PTPRN2: variants seen among roughly 807,000 people sequenced by gnomAD.
PTPRN2 encodes the protein protein tyrosine phosphatase receptor type N2.
Under a neutral mutation model 118.8 loss-of-function variants are expected in PTPRN2, and 74 were observed. The observed-to-expected ratio is 0.62, with a 90% CI of 0.52 to 0.76. The LOEUF is 0.76. PTPRN2 is among the 30% of genes least tolerant of loss of function. The pLI is 0.00. For synonymous variants in PTPRN2, 641 were observed against 608.0 expected (o/e 1.05, Z -0.80); for missense variants, 1,481 against 1,394.4 (o/e 1.06, Z -0.99).
chr7:157,608,532 C>T (rs1185060600), intron 15 of PTPRN2, among the ~76,000 whole-genome samples: 1 of 152,086 alleles, frequency 6.6e-6, no homozygotes, highest in Non-Finnish European at 1.5e-5. Flanking sequence ...ATGTGCCTGG[C>T]GAATCTCTAT....
chr7:157,843,700 G>A (rs1387316493), intron 12 of PTPRN2, among the ~76,000 whole-genome samples: 2 of 152,236 alleles, frequency 1.3e-5, no homozygotes, highest in Non-Finnish European at 2.9e-5. Context: ...CAACTCTCTT[G>A]CTTTCTTTCC....
At chr7:158,317,077 C>T in intron 2 of PTPRN2, 145 bp from the exon 3 acceptor site, 1 of 568,276 alleles carries the variant, frequency 1.8e-6, no homozygotes, top group Non-Finnish European at 3.0e-6. Context: ...CTGTTAGGAC[C>T]CGGGAGCACC....
intron 15 of PTPRN2, among the ~76,000 whole-genome samples, chr7:157,613,134 C>T (rs1024215306): frequency 3.2e-4 from 48 of 152,290 alleles, no homozygotes; most frequent in African/African-American, 1.0e-3. Flanking sequence ...TCTCCAGTCC[C>T]GCCTCCCGCC....
At chr7:157,723,373 G>A (rs759114140) in intron 12 of PTPRN2, among the ~76,000 whole-genome samples, 3 of 152,092 alleles carry the variant, frequency 2.0e-5, no homozygotes, top group East Asian at 1.9e-4. Flanking sequence ...GCCTTTCCCC[G>A]GCTGGCCACC....
intron 3 of PTPRN2, among the ~76,000 whole-genome samples, chr7:158,275,511 C>CG (rs1189712007): frequency 1.3e-5 from 2 of 152,148 alleles, no homozygotes; most frequent in Admixed American, 1.3e-4. Context: ...TGAATAAAGG[C>CG]GTCGCCCAGA....
intron 3 of PTPRN2, among the ~76,000 whole-genome samples, chr7:158,262,374 C>T (rs1797481493): frequency 6.7e-6 from 1 of 149,300 alleles, no homozygotes; most frequent in South Asian, 2.1e-4. Context: ...TCACTGCACA[C>T]ACATACACAC....
chr7:158,167,083 C>A lies in PTPRN2; in HGVS notation c.758G>T (p.Arg253Met). ...GCCCTCCCCGGGGGGAGCTGGGGGCCTCTGGGCAGCATAGGCACTGAGGGC... is the reference window on the plus strand; with the variant it reads ...GCCCTCCCCGGGGGGAGCTGGGGGCATCTGGGCAGCATAGGCACTGAGGGC... ...MAALSAYAAQ[R>M]PPAPPGEGSL... The change falls in exon 6 of 23, where the codon AGG becomes ATG. Residue 253 changes from arginine to methionine, a missense_variant. Arg to Met is a moderately conservative substitution (Grantham distance 91). Coordinates refer to ENST00000389418, the MANE Select transcript of PTPRN2 (RefSeq NM_002847.5). 6.2e-7 allele frequency: 1 copy of A among 1,606,730 alleles called. No individual in the cohort carries two copies. The highest frequency in any genetic ancestry group is 8.5e-7 in the Non-Finnish European group (1 of 1,176,112).
intron 2 of PTPRN2, among the ~76,000 whole-genome samples, chr7:158,387,577 A>AAGCACTCTCTGGGTCCTGGG (rs1586542379): frequency 6.6e-6 from 1 of 151,184 alleles, no homozygotes; most frequent in Non-Finnish European, 1.5e-5. Flanking sequence ...CTGTCAGCTC[A>AAGCACTCTCTGGGTCCTGGG]GCTTGGCCCG....
At position 158,238,302 on chromosome 7, in the gene PTPRN2, G is replaced by A. The variant is rs541078912; in HGVS notation, c.278-33029C>T. ...GATGGCCATCGCAGATCAGGAAACC[G>A]TCCTCCCCTCCCTCCTGCCCTGGGC... On this transcript the variant is annotated intron_variant, in intron 3 of 22. Coordinates refer to ENST00000389418, the MANE Select transcript of PTPRN2 (RefSeq NM_002847.5). Among the ~76,000 whole-genome samples the A allele has an allele frequency of 1.6e-4, 25 of 152,120 alleles. 1 individual carries two copies. The South Asian group carries it at 4.8e-3, about 29-fold the overall frequency.
intron 3 of PTPRN2, among the ~76,000 whole-genome samples, chr7:158,269,919 CAG>C (rs1445125636): frequency 9.1e-6 from 1 of 110,166 alleles, no homozygotes; most frequent in African/African-American, 4.2e-5. Context: ...GACAGAGAAA[CAG>C]AGAGACAGAG....
intron 7 of PTPRN2, 103 bp from the exon 8 acceptor site, chr7:158,136,798 T>C: frequency 9.6e-7 from 1 of 1,043,462 alleles, no homozygotes; most frequent in Non-Finnish European, 1.5e-6. Flanking sequence ...ATACGAAAGG[T>C]GAGGTGTGAT....
At chr7:158,249,056 C>T (rs558045418) in intron 3 of PTPRN2, among the ~76,000 whole-genome samples, 32 of 151,680 alleles carry the variant, frequency 2.1e-4, no homozygotes, top group African/African-American at 7.3e-4. Context: ...CACACGTGCA[C>T]CCACATCACA....
intron 5 of PTPRN2, among the ~76,000 whole-genome samples, chr7:158,189,621 T>G (rs1235267026): frequency 1.3e-5 from 2 of 152,228 alleles, no homozygotes; most frequent in Non-Finnish European, 2.9e-5. Context: ...TTCCCTTCTC[T>G]CAAACTTCTT....
intron 2 of PTPRN2, among the ~76,000 whole-genome samples, chr7:158,441,806 G>A (rs1398877329): frequency 1.1e-3 from 137 of 128,566 alleles, no homozygotes; most frequent in African/African-American, 4.1e-3. Context: ...GGTCATGGCA[G>A]TGGTGGTGAT....
intron 2 of PTPRN2, among the ~76,000 whole-genome samples, chr7:158,488,389 G>C (rs1004151009): frequency 2.0e-5 from 3 of 152,124 alleles, no homozygotes; most frequent in African/African-American, 7.2e-5. Context: ...AACAGCAGAA[G>C]CTGCCGCCGC....
At chr7:158,071,645 C>T (rs201153615) in intron 11 of PTPRN2, among the ~76,000 whole-genome samples, 145 of 79,152 alleles carry the variant, frequency 1.8e-3, no homozygotes, top group Admixed American at 2.4e-3. Context: ...TGGAGATGCT[C>T]GTGGTGATGG....
rs539817999 is a variant in PTPRN2 at position 158,463,494 on chromosome 7, TACCATC to T, written c.163+26235_163+26240del. 4.0e-5 allele frequency among the ~76,000 whole-genome samples: 6 copies of T among 151,740 alleles called. No homozygotes were observed. The South Asian group carries it at 1.3e-3, about 32-fold the overall frequency. On this transcript the variant is annotated intron_variant, in intron 2 of 22. Transcript: ENST00000389418. ...CCATCATCACCATCATCATTACCAT[TACCATC>T]ACCACCATCATCACCATCATTGTCA...
chr7:158,435,454 A>G (rs1816510023), intron 2 of PTPRN2, among the ~76,000 whole-genome samples: 1 of 152,198 alleles, frequency 6.6e-6, no homozygotes, highest in African/African-American at 2.4e-5. Flanking sequence ...AAAGATGAGT[A>G]TTGGTGAAGA....
At chr7:158,412,091 G>C (rs1361454555) in intron 2 of PTPRN2, among the ~76,000 whole-genome samples, 2 of 134,306 alleles carry the variant, frequency 1.5e-5, no homozygotes, top group Non-Finnish European at 3.2e-5. Context: ...CTTAGCACCA[G>C]GGCCCATCTC....
Sources: allele counts gnomAD v4.1 joint callset (sites outside exome capture counted in the v4.1 genomes callset), GRCh38; gene constraint gnomAD v4.1.1; transcripts MANE v1.5; gene names NCBI Gene and HGNC (gene_info 2026-07-23, HGNC 2026-07-21).